CNTF: variants seen among roughly 807,000 people sequenced by gnomAD.
CNTF encodes the protein Ciliary Neuronotrophic Factor.
CNTF carries 14 observed loss-of-function variants against 13.0 expected under a neutral mutation model. The observed-to-expected ratio is 1.07, with a 90% CI of 0.71 to 1.68. The LOEUF (loss-of-function observed/expected upper bound fraction) is 1.68. Ranked by LOEUF, CNTF falls within the 40% of genes most tolerant of loss-of-function variation. The probability of loss-of-function intolerance (pLI) is 0.00; values close to 1 mark genes in which losing one functional copy is unlikely to be tolerated. For synonymous variants in CNTF, 98 were observed against 92.4 expected, an observed-to-expected ratio of 1.06 and a Z score of -0.35; for missense variants, 283 against 252.5, an observed-to-expected ratio of 1.12 and a Z score of -0.82.
chr11:58,623,403 G>C (rs1173524281), intron 1 of CNTF, among the ~76,000 whole-genome samples: 2 of 152,184 alleles, frequency 1.3e-5, no homozygotes, highest in Non-Finnish European at 2.9e-5. Flanking sequence ...AAGATTCATT[G>C]GAAACTTGTG....
Position 58,624,220 on chromosome 11 carries a change from A to G in CNTF, c.301A>G (p.Thr101Ala), listed in dbSNP as rs1172396737. Residue 101 changes from threonine to alanine, a missense_variant, in exon 2 of 2, where the codon ACC becomes GCC. Coordinates refer to ENST00000361987, the MANE Select transcript of CNTF (RefSeq NM_000614.4). Reference sequence around the variant, plus strand: ...AGACCAGCAGGTGCATTTTACCCCAACCGAAGGTGACTTCCATCAAGCTAT... The same window carrying G: ...AGACCAGCAGGTGCATTTTACCCCAGCCGAAGGTGACTTCCATCAAGCTAT... Reference protein sequence around the residue: ...LEDQQVHFTPTEGDFHQAIHT... With the variant: ...LEDQQVHFTPAEGDFHQAIHT... The G allele has an allele frequency of 1.1e-5, 18 of 1,613,854 alleles. No individual in the cohort carries two copies. In the Admixed American group the frequency reaches 1.8e-4, roughly 16 times the overall value.
At chr11:58,622,927 C>A (rs1259749626) in intron 1 of CNTF, 61 bp downstream of exon 1, 6 of 1,146,700 alleles carry the variant, frequency 5.2e-6, no homozygotes, top group East Asian at 2.4e-5. Context: ...CAGCAACTTA[C>A]CATCACGCAT....
Position 58,624,752 on chromosome 11 carries a change from G to T in CNTF, c.*230G>T. ...AAGTTTAGCCTGGGGGGTGTGATTTGTGTGCGTGCTTGCATGTGCTGCAGG... is the reference window on the plus strand; with the variant it reads ...AAGTTTAGCCTGGGGGGTGTGATTTTTGTGCGTGCTTGCATGTGCTGCAGG... On this transcript the variant is annotated 3_prime_UTR_variant, in exon 2 of 2. Transcript: ENST00000361987. 1 of 497,954 alleles carries T rather than the reference G, an allele frequency of 2.0e-6. No individual in the cohort carries two copies. Among genetic ancestry groups the T allele is most frequent in the Non-Finnish European group, 3.6e-6 (1 of 276,136 alleles). The allele number at this position is 497,954 out of a possible 1,614,324, so 30.8% of individuals were successfully genotyped here.
Position 58,624,324 on chromosome 11 carries a change from C to T in CNTF, c.405C>T (p.Pro135=), listed in dbSNP as rs1431227474. Residue 135 remains proline, a synonymous_variant, in exon 2 of 2, where the codon CCC becomes CCT. Transcript: ENST00000361987. ...TGATACTCCTGGAATACAAGATCCC[C>T]CGCAATGAGGCTGATGGGATGCCTA... ...ELMILLEYKI[P]RNEADGMPIN... The T allele has an allele frequency of 6.2e-7, 1 of 1,613,846 alleles. No individual in the cohort carries two copies. The highest frequency in any genetic ancestry group is 8.5e-7 in the Non-Finnish European group (1 of 1,179,980).
intron 1 of CNTF, among the ~76,000 whole-genome samples, chr11:58,623,761 C>A (rs1228290721): frequency 6.6e-6 from 1 of 152,114 alleles, no homozygotes; most frequent in Admixed American, 6.5e-5. Flanking sequence ...AGGAAAAATT[C>A]TTCTAAATCA....
rs201872988 is a variant in CNTF, at chr11:58,622,782, C to G, written c.30C>G (p.Thr10=). The G allele has an allele frequency of 1.2e-6, 2 of 1,613,926 alleles. No homozygotes were observed. Among genetic ancestry groups the G allele is most frequent in the Non-Finnish European group, 1.7e-6 (2 of 1,179,878 alleles). The change falls in exon 1 of 2, where the codon ACC becomes ACG. Residue 10 remains threonine (T), a synonymous_variant. Coordinates refer to ENST00000361987, the MANE Select transcript of CNTF (RefSeq NM_000614.4). ...CTTTCACAGAGCATTCACCGCTGAC[C>G]CCTCACCGTCGGGACCTCTGTAGCC... is the stretch of plus-strand genomic sequence containing the variant. The part of the protein sequence containing the change: MAFTEHSPL[T]PHRRDLCSRS...
In CNTF at chr11:58,624,215, C is replaced by G; in HGVS notation, c.296C>G (p.Thr99Ser). 7.4e-6 allele frequency: 12 copies of G among 1,613,970 alleles called. No individual in the cohort carries two copies. The highest frequency in any genetic ancestry group is 1.0e-5 in the Non-Finnish European group (12 of 1,179,994). ...RLLEDQQVHF[T>S]PTEGDFHQAI... is the part of the protein sequence containing the mutation. The stretch of plus-strand genomic sequence containing the variant: ...TTAGAAGACCAGCAGGTGCATTTTA[C>G]CCCAACCGAAGGTGACTTCCATCAA... Residue 99 changes from threonine to serine, a missense_variant, in exon 2 of 2, where the codon ACC (threonine) becomes AGC (serine). Transcript: ENST00000361987.
In CNTF at chr11:58,624,662, A is replaced by G; in HGVS notation, c.*140A>G. 3.2e-6 allele frequency: 3 copies of G among 933,996 alleles called. No individual in the cohort carries two copies. Among genetic ancestry groups the G allele is most frequent in the South Asian group, 3.0e-5 (2 of 66,122 alleles). 57.9% of individuals were successfully genotyped at this position (933,996 alleles called of 1,614,324 possible). A position where few individuals can be genotyped will look rare whatever the true frequency, so the allele number is the denominator to read the frequency against. On this transcript the variant is annotated 3_prime_UTR_variant, in exon 2 of 2. Coordinates refer to ENST00000361987, the MANE Select transcript of CNTF (RefSeq NM_000614.4). Reference sequence around the variant, plus strand: ...CTTTCTTTTTTCTCTGACCACCTGCAGCCTGTTGAAGGACTACAGGTATTT... The same window carrying G: ...CTTTCTTTTTTCTCTGACCACCTGCGGCCTGTTGAAGGACTACAGGTATTT...
rs1455982270 is a variant in CNTF, at chr11:58,622,677, TCA to T, written c.-73_-72del. The T allele has an allele frequency of 1.9e-6, 2 of 1,068,208 alleles. No individual in the cohort carries two copies. The highest frequency in any genetic ancestry group is 2.9e-6 in the Non-Finnish European group (2 of 695,848). 66.2% of individuals were successfully genotyped at this position (1,068,208 alleles called of 1,614,324 possible). ...GCCCAGTGGGTTTAGTCTTTGAGAGTCACATCTCTTATTTGGACCAGTATAGA... is the reference window on the plus strand; with the variant it reads ...GCCCAGTGGGTTTAGTCTTTGAGAGTCATCTCTTATTTGGACCAGTATAGA... On this transcript the variant is annotated 5_prime_UTR_variant, in exon 1 of 2. Transcript: ENST00000361987.
In CNTF at chr11:58,623,705, T is replaced by C. The variant is rs141876513; in HGVS notation, c.115-329T>C. 9.0e-4 allele frequency among the ~76,000 whole-genome samples: 137 copies of C among 152,356 alleles called. 2 individuals carry two copies. In the East Asian group the frequency reaches 0.014, roughly 16 times the overall value. Reference sequence around the variant, plus strand: ...TTTACAAGTATGTTTAAAAATACTTTAATATGATTAAAATATTCCAGTTAA... The same window carrying C: ...TTTACAAGTATGTTTAAAAATACTTCAATATGATTAAAATATTCCAGTTAA... On this transcript the variant is annotated intron_variant, in intron 1 of 1. Coordinates refer to ENST00000361987, the MANE Select transcript of CNTF (RefSeq NM_000614.4).
At position 58,625,320 on chromosome 11, in the gene CNTF, C is replaced by T. The variant is rs750122241; in HGVS notation, c.*798C>T. ...GCTGCTGTTAGATGTCCTCAGAAGT[C>T]AGTTGCAAATTTTAGCGTTAAAGTC... is the stretch of plus-strand genomic sequence containing the variant. On this transcript the variant is annotated 3_prime_UTR_variant, in exon 2 of 2. Transcript: ENST00000361987. 3.3e-5 allele frequency: 5 copies of T among 152,228 alleles called. No homozygotes were observed. Among genetic ancestry groups the T allele is most frequent in the Non-Finnish European group, 7.3e-5 (5 of 68,048 alleles). The allele number at this position is 152,228 out of a possible 1,614,324, so 9.4% of individuals were successfully genotyped here.
chr11:58,622,730 T>C lies in CNTF; in HGVS notation c.-23T>C, dbSNP rs749979700. The C allele has an allele frequency of 1.3e-6, 2 of 1,576,816 alleles. No individual in the cohort carries two copies. The highest frequency in any genetic ancestry group is 1.7e-6 in the Non-Finnish European group (2 of 1,146,356). ...CAGAAGTAAACCCAGCTGACTTGTT[T>C]CCTGGGACAGTTGAGTTAAGGGATG... is the stretch of plus-strand genomic sequence containing the variant. On this transcript the variant is annotated 5_prime_UTR_variant, in exon 1 of 2. Transcript: ENST00000361987.
chr11:58,624,004 G>A, intron 1 of CNTF, 30 bp from the exon 2 acceptor site: 1 of 1,607,760 alleles, frequency 6.2e-7, no homozygotes, highest in South Asian at 1.1e-5. Flanking sequence ...GATGACAGAA[G>A]ATGTGGTGTT....
At chr11:58,623,737 A>G (rs548365332) in intron 1 of CNTF, among the ~76,000 whole-genome samples, 1 of 152,280 alleles carries the variant, frequency 6.6e-6, no homozygotes, top group East Asian at 1.9e-4. Context: ...TTAATGAGAG[A>G]GTTTGAAGTG....
Position 58,624,495 on chromosome 11 carries a change from T to C in CNTF, c.576T>C (p.His192=). ...CTGGGATCCCAGCACGTGGGAGCCA[T>C]TATATTGCTAACAACAAGAAAATGT... is the stretch of plus-strand genomic sequence containing the variant. The part of the protein sequence containing the change: ...HQTGIPARGS[H]YIANNKKM The change falls in exon 2 of 2, where the codon CAT becomes CAC. Residue 192 remains histidine (H), a synonymous_variant. Transcript: ENST00000361987. 6.2e-7 allele frequency: 1 copy of C among 1,614,022 alleles called. No homozygotes were observed.
chr11:58,623,089 T>G (rs1236468937), intron 1 of CNTF, among the ~76,000 whole-genome samples: 2 of 152,078 alleles, frequency 1.3e-5, no homozygotes, highest in East Asian at 3.8e-4. Flanking sequence ...AAAATATATA[T>G]GGAGTTCTAG....
At position 58,622,854 on chromosome 11, in the gene CNTF, T is replaced by TA. The variant is rs1328329598; in HGVS notation, c.103dup (p.Thr35AsnfsTer28). Reference sequence around the variant, plus strand: ...AGATTCGTTCAGACCTGACTGCTCTTACGGAATCCTATGTAAGTTGCCTAT... The same window carrying TA: ...AGATTCGTTCAGACCTGACTGCTCTTAACGGAATCCTATGTAAGTTGCCTAT... On this transcript the variant is annotated frameshift_variant, in exon 1 of 2. Coordinates refer to ENST00000361987, the MANE Select transcript of CNTF (RefSeq NM_000614.4). LOFTEE classifies it high-confidence loss of function. The TA allele has an allele frequency of 6.2e-7, 1 of 1,613,086 alleles. No individual in the cohort carries two copies. The highest frequency in any genetic ancestry group is 8.5e-7 in the Non-Finnish European group (1 of 1,179,246).
chr11:58,624,698 G>T lies in CNTF; in HGVS notation c.*176G>T, dbSNP rs1484840639. ...GGACTACAGGTATTTTCATCAAGTA[G>T]CGTTGGAGACATACACAAATGGGCA... On this transcript the variant is annotated 3_prime_UTR_variant, in exon 2 of 2. Transcript: ENST00000361987. 8 of 687,086 alleles carry T rather than the reference G, an allele frequency of 1.2e-5. No individual in the cohort carries two copies. In the Admixed American group the frequency reaches 2.2e-4, roughly 19 times the overall value. The allele number at this position is 687,086 out of a possible 1,614,324, so 42.6% of individuals were successfully genotyped here.
chr11:58,622,790 G>T lies in CNTF; in HGVS notation c.38G>T (p.Arg13Leu). The T allele has an allele frequency of 1.2e-6, 2 of 1,613,964 alleles. No individual in the cohort carries two copies. Among genetic ancestry groups the T allele is most frequent in the Non-Finnish European group, 1.7e-6 (2 of 1,179,912 alleles). ...GAGCATTCACCGCTGACCCCTCACCGTCGGGACCTCTGTAGCCGCTCTATC... is the reference window on the plus strand; with the variant it reads ...GAGCATTCACCGCTGACCCCTCACCTTCGGGACCTCTGTAGCCGCTCTATC... ...FTEHSPLTPH[R>L]RDLCSRSIWL... The change falls in exon 1 of 2, where the codon CGT becomes CTT. Residue 13 changes from arginine (R) to leucine (L), a missense_variant. Transcript: ENST00000361987.
Sources: allele counts gnomAD v4.1 joint callset (sites outside exome capture counted in the v4.1 genomes callset), GRCh38; gene constraint gnomAD v4.1.1; transcripts MANE v1.5; gene names NCBI Gene and HGNC (gene_info 2026-07-23, HGNC 2026-07-21).